The following GABRB3 variants were observed in gnomAD, a reference collection of about 807,000 sequenced individuals.
The protein encoded by GABRB3 is gamma-aminobutyric acid receptor subunit beta-3.
GABRB3 carries 14 observed loss-of-function variants against 52.1 expected under a neutral mutation model. The ratio of observed to expected loss-of-function variants is 0.27; its 90% confidence interval spans 0.18 to 0.42. The LOEUF (loss-of-function observed/expected upper bound fraction) is 0.42. Ranked by LOEUF, GABRB3 falls within the 10% of genes least tolerant of loss-of-function variation. The pLI is 1.00. For synonymous variants in GABRB3, 260 were observed against 232.3 expected (o/e 1.12, Z -1.08); for missense variants, 307 against 609.1 (o/e 0.50, Z 5.22).
At chr15:26,703,895 C>T (rs1050737260) in intron 3 of GABRB3, among the ~76,000 whole-genome samples, 2 of 152,210 alleles carry the variant, frequency 1.3e-5, no homozygotes, top group African/African-American at 4.8e-5. Flanking sequence ...GCGGGACCCA[C>T]ACCTTAGCTC....
intron 3 of GABRB3, among the ~76,000 whole-genome samples, chr15:26,640,232 C>T (rs1330931265): frequency 6.6e-6 from 1 of 152,034 alleles, no homozygotes; most frequent in Non-Finnish European, 1.5e-5. Flanking sequence ...AGTATCAAAA[C>T]GTTGGCCGGG....
intron 3 of GABRB3, among the ~76,000 whole-genome samples, chr15:26,742,000 C>T (rs770792061): frequency 3.9e-5 from 6 of 152,254 alleles, no homozygotes; most frequent in East Asian, 1.9e-4. Context: ...TAAATATTTT[C>T]GGAGGAAAAT....
At chr15:26,756,650 A>C (rs1030755088) in intron 3 of GABRB3, among the ~76,000 whole-genome samples, 1 of 152,194 alleles carries the variant, frequency 6.6e-6, no homozygotes, top group African/African-American at 2.4e-5. Context: ...ATGTTAAAAA[A>C]ATATAAAAAT....
chr15:26,655,446 A>G (rs1207801174), intron 3 of GABRB3, among the ~76,000 whole-genome samples: 1 of 152,178 alleles, frequency 6.6e-6, no homozygotes, highest in Non-Finnish European at 1.5e-5. Context: ...ATCACATGGA[A>G]AAACCCTCGG....
At chr15:26,708,237 A>C (rs1214184351) in intron 3 of GABRB3, among the ~76,000 whole-genome samples, 1 of 152,234 alleles carries the variant, frequency 6.6e-6, no homozygotes, top group East Asian at 1.9e-4. Context: ...ATTGTTCTAC[A>C]TGACAGTCAC....
At chr15:26,747,038 G>A (rs1890366343) in intron 3 of GABRB3, among the ~76,000 whole-genome samples, 1 of 152,178 alleles carries the variant, frequency 6.6e-6, no homozygotes, top group Non-Finnish European at 1.5e-5. Flanking sequence ...GGGCATATTT[G>A]TGTGGGTCTA....
At chr15:26,620,943 T>C (rs1382815541) in intron 4 of GABRB3, among the ~76,000 whole-genome samples, 1 of 152,158 alleles carries the variant, frequency 6.6e-6, no homozygotes, top group African/African-American at 2.4e-5. Context: ...TTTTTTCAAC[T>C]GTGCAGACAG....
At chr15:26,768,837 A>G (rs1891066782) in intron 3 of GABRB3, among the ~76,000 whole-genome samples, 1 of 152,238 alleles carries the variant, frequency 6.6e-6, no homozygotes, top group African/African-American at 2.4e-5. Context: ...AAGAAACATT[A>G]AAAGATTTAG....
intron 3 of GABRB3, among the ~76,000 whole-genome samples, chr15:26,764,311 A>T (rs1890936028): frequency 6.7e-6 from 1 of 149,750 alleles, no homozygotes; most frequent in Admixed American, 6.7e-5. Flanking sequence ...GGGGTAAAAC[A>T]TGATGATGAT....
chr15:26,750,210 T>C (rs1337954921), intron 3 of GABRB3: 4 of 152,192 alleles, frequency 2.6e-5, no homozygotes, highest in Non-Finnish European at 4.4e-5. Flanking sequence ...TTAGCAACTC[T>C]AGGAGAGGTT....
rs1892324563 is a variant in GABRB3 at position 26,617,966 on chromosome 15, A to C, written c.461+3348T>G. Among the ~76,000 whole-genome samples, 15 of 152,146 alleles carry C rather than the reference A, an allele frequency of 9.9e-5. No homozygotes were observed. The South Asian group carries it at 3.1e-3, about 32-fold the overall frequency. ...AGGAATCCAACTTACAAGGGATGTG[A>C]AGGACCTCTTCAAGGAGAACTACAA... is the stretch of plus-strand genomic sequence containing the variant. On this transcript the variant is annotated intron_variant, in intron 4 of 8. Coordinates refer to ENST00000311550, the MANE Select transcript of GABRB3 (RefSeq NM_000814.6).
At chr15:26,557,198 C>G (rs1889784912) in intron 8 of GABRB3, among the ~76,000 whole-genome samples, 1 of 152,106 alleles carries the variant, frequency 6.6e-6, no homozygotes, top group African/African-American at 2.4e-5. Context: ...ACCTCATGTT[C>G]TCACTTATAA....
chr15:26,564,735 G>T (rs1890103374), intron 7 of GABRB3, among the ~76,000 whole-genome samples: 1 of 152,248 alleles, frequency 6.6e-6, no homozygotes, highest in Non-Finnish European at 1.5e-5. Flanking sequence ...AACTATAGCT[G>T]TATCCTATGG....
chr15:26,717,182 C>T (rs1469525549), intron 3 of GABRB3, among the ~76,000 whole-genome samples: 2 of 150,320 alleles, frequency 1.3e-5, no homozygotes, highest in Non-Finnish European at 3.0e-5. Flanking sequence ...TGGGGACCTC[C>T]ACCCTATGAC....
At chr15:26,735,426 A>G (rs1890039392) in intron 3 of GABRB3, among the ~76,000 whole-genome samples, 1 of 152,100 alleles carries the variant, frequency 6.6e-6, no homozygotes, top group East Asian at 1.9e-4. Flanking sequence ...AATCCCACCC[A>G]AAAGAATCGG....
chr15:26,731,316 A>C (rs1188473729), intron 3 of GABRB3, among the ~76,000 whole-genome samples: 1 of 152,216 alleles, frequency 6.6e-6, no homozygotes, highest in African/African-American at 2.4e-5. Flanking sequence ...GGTTTTCAAA[A>C]GACTGCTTCC....
At chr15:26,644,517 AAGG>A (rs1481116414) in intron 3 of GABRB3, among the ~76,000 whole-genome samples, 1 of 152,144 alleles carries the variant, frequency 6.6e-6, no homozygotes, top group African/African-American at 2.4e-5. Context: ...CCACCACCAC[AAGG>A]AGGGGACAGG....
intron 4 of GABRB3, among the ~76,000 whole-genome samples, chr15:26,594,448 G>A (rs1180165314): frequency 1.3e-5 from 2 of 152,112 alleles, no homozygotes; most frequent in Non-Finnish European, 2.9e-5. Context: ...AATCAGTGAA[G>A]TCTCTGTTGC....
At chr15:26,705,967 A>G (rs1431125590) in intron 3 of GABRB3, among the ~76,000 whole-genome samples, 3 of 152,210 alleles carry the variant, frequency 2.0e-5, no homozygotes. Context: ...TCTGGGTTCC[A>G]GGATCCACCG....
Sources: gnomAD v4.1 joint callset for allele counts (sites outside exome capture counted in the v4.1 genomes callset) on GRCh38, gnomAD v4.1.1 for gene constraint, MANE v1.5 for transcripts, NCBI Gene and HGNC (gene_info 2026-07-23, HGNC 2026-07-21) for gene names.